The following PARL variants were observed in gnomAD, a reference collection of about 807,000 sequenced individuals.
PARL encodes presenilin-associated rhomboid-like protein, mitochondrial.
Under a neutral mutation model 51.6 loss-of-function variants are expected in PARL, and 44 were observed. The ratio of observed to expected loss-of-function variants is 0.85; its 90% CI spans 0.67 to 1.10. The LOEUF is 1.10. Ranked by LOEUF, PARL falls within the 50% of genes least tolerant of loss-of-function variation. PARL has a pLI of 0.00. For synonymous variants in PARL, 172 were observed against 164.0 expected, an observed-to-expected ratio of 1.05 and a Z score of -0.37; for missense variants, 441 against 469.5, an observed-to-expected ratio of 0.94 and a Z score of 0.56.
chr3:183,847,951 C>T (rs75544344), intron 4 of PARL, among the ~76,000 whole-genome samples: 4,272 of 152,296 alleles, frequency 0.028, 154 homozygotes, highest in African/African-American at 0.083. Context: ...CTTCCTGACT[C>T]GGTAACTCTT....
chr3:183,868,088 AC>A, intron 1 of PARL, 28 bp from the exon 2 acceptor site: 2 of 1,539,940 alleles, frequency 1.3e-6, no homozygotes, highest in South Asian at 1.1e-5. Flanking sequence ...CAGATGAGAA[AC>A]ACAGTAGCGT....
chr3:183,863,433 T>C (rs901527122), intron 3 of PARL, among the ~76,000 whole-genome samples: 15 of 152,082 alleles, frequency 9.9e-5, no homozygotes, highest in African/African-American at 3.6e-4. Flanking sequence ...TGGACGATAA[T>C]GATTCATCAT....
intron 7 of PARL, among the ~76,000 whole-genome samples, chr3:183,840,059 A>G (rs1207041062): frequency 6.6e-6 from 1 of 152,208 alleles, no homozygotes; most frequent in Non-Finnish European, 1.5e-5. Context: ...CATCCAGAAT[A>G]TAAGAGCTCT....
At chr3:183,883,030 T>A (rs1402322450) in intron 1 of PARL, among the ~76,000 whole-genome samples, 1 of 152,248 alleles carries the variant, frequency 6.6e-6, no homozygotes, top group Non-Finnish European at 1.5e-5. Flanking sequence ...GTATATTTTT[T>A]ATGCAACCAC....
intron 1 of PARL, among the ~76,000 whole-genome samples, chr3:183,870,465 T>C (rs962261619): frequency 6.6e-6 from 1 of 151,940 alleles, no homozygotes; most frequent in African/African-American, 2.4e-5. Flanking sequence ...GGCCTCACAC[T>C]GCTTTTCCTC....
At chr3:183,859,687 T>C (rs1431039316) in intron 4 of PARL, among the ~76,000 whole-genome samples, 1 of 152,150 alleles carries the variant, frequency 6.6e-6, no homozygotes, top group Non-Finnish European at 1.5e-5. Context: ...AACAATAAAA[T>C]AAATTATGGG....
intron 1 of PARL, 106 bp downstream of exon 1, chr3:183,884,616 T>C (rs950453126): frequency 5.3e-6 from 6 of 1,133,634 alleles, no homozygotes; most frequent in Non-Finnish European, 7.6e-6. Context: ...GTGAAGGGGG[T>C]GAGCTGGGGC....
intron 1 of PARL, among the ~76,000 whole-genome samples, chr3:183,875,547 A>G (rs1733709739): frequency 6.6e-6 from 1 of 152,182 alleles, no homozygotes; most frequent in Admixed American, 6.6e-5. Context: ...CTAGAGCAAG[A>G]CTAACTCCTT....
intron 7 of PARL, among the ~76,000 whole-genome samples, chr3:183,838,464 T>C (rs1256954316): frequency 6.6e-6 from 1 of 152,230 alleles, no homozygotes; most frequent in Non-Finnish European, 1.5e-5. Flanking sequence ...TTTAATTTCC[T>C]TGAATTTTAA....
At chr3:183,846,319 C>T (rs1396231133) in intron 4 of PARL, among the ~76,000 whole-genome samples, 1 of 151,938 alleles carries the variant, frequency 6.6e-6, no homozygotes, top group African/African-American at 2.4e-5. Context: ...CATGAAGAAA[C>T]CTCGTCTCTA....
At chr3:183,835,233 C>T (rs557483589) in intron 7 of PARL, among the ~76,000 whole-genome samples, 14 of 151,176 alleles carry the variant, frequency 9.3e-5, no homozygotes, top group Middle Eastern at 3.5e-3. Flanking sequence ...AAGAAAGGTT[C>T]CTACCTTTTC....
intron 7 of PARL, among the ~76,000 whole-genome samples, chr3:183,834,571 G>A (rs1728330255): frequency 6.6e-6 from 1 of 152,166 alleles, no homozygotes; most frequent in Admixed American, 6.5e-5. Flanking sequence ...GTTGTCGCCA[G>A]GGGTAGAGGA....
At chr3:183,844,748 A>G (rs991149929) in intron 4 of PARL, 8 of 167,148 alleles carry the variant, frequency 4.8e-5, no homozygotes, top group African/African-American at 1.9e-4. Context: ...TATGCTTCTT[A>G]AACTTACTGC....
chr3:183,877,578 CTTATT>C (rs1418663046), intron 1 of PARL, among the ~76,000 whole-genome samples: 1 of 152,032 alleles, frequency 6.6e-6, no homozygotes, highest in Non-Finnish European at 1.5e-5. Context: ...TTCATGTTGT[CTTATT>C]TTAAGAAATT....
chr3:183,866,261 A>G (rs1239190183), intron 3 of PARL, among the ~76,000 whole-genome samples: 3 of 152,262 alleles, frequency 2.0e-5, no homozygotes, highest in African/African-American at 7.2e-5. Context: ...CACCAGATAT[A>G]TAAAACAGTA....
intron 3 of PARL, among the ~76,000 whole-genome samples, chr3:183,863,310 T>G (rs1732057043): frequency 6.6e-6 from 1 of 152,030 alleles, no homozygotes; most frequent in African/African-American, 2.4e-5. Flanking sequence ...GAAAATTTTA[T>G]GCATGAAATA....
intron 4 of PARL, among the ~76,000 whole-genome samples, chr3:183,859,629 G>C (rs896562762): frequency 2.4e-4 from 37 of 152,114 alleles, no homozygotes; most frequent in African/African-American, 8.9e-4. Context: ...ATGAGCCACT[G>C]CACCCAGCTA....
chr3:183,846,039 A>T (rs1053422936), intron 4 of PARL, among the ~76,000 whole-genome samples: 14 of 152,048 alleles, frequency 9.2e-5, no homozygotes, highest in African/African-American at 3.4e-4. Context: ...AATGGCAACG[A>T]CTACTCTGCT....
At chr3:183,884,875 GACCTTACCA>G (rs746068477) in exon 1 of PARL, 1 of 1,595,644 alleles carries the variant, frequency 6.3e-7, no homozygotes, top group African/African-American at 1.3e-5. Context: ...ACCATGGCCC[GACCTTACCA>G]ACCCCAGCTG....
Sources: allele counts gnomAD v4.1 joint callset (sites outside exome capture counted in the v4.1 genomes callset), GRCh38; gene constraint gnomAD v4.1.1; transcripts MANE v1.5; gene names NCBI Gene and HGNC (gene_info 2026-07-23, HGNC 2026-07-21).